AGMO: variants seen among roughly 807,000 people sequenced by gnomAD.
AGMO encodes the protein glyceryl-ether monooxygenase.
In AGMO, 75 loss-of-function variants were observed where a neutral mutation model predicts 60.2. The observed-to-expected ratio is 1.25, with a 90% confidence interval of 1.03 to 1.51. AGMO has a LOEUF of 1.51. AGMO is among the 40% of genes most tolerant of loss of function. AGMO has a pLI of 0.00. For missense variants in AGMO, 763 were observed against 525.5 expected, an observed-to-expected ratio of 1.45 and a Z score of -4.42; for synonymous variants, 261 against 177.1, an observed-to-expected ratio of 1.47 and a Z score of -3.76.
chr7:15,417,991 A>C (rs1439002919), intron 5 of AGMO, among the ~76,000 whole-genome samples: 1 of 152,184 alleles, frequency 6.6e-6, no homozygotes, highest in Non-Finnish European at 1.5e-5. Context: ...AAACATTCAA[A>C]TCTGACAGTT....
At chr7:15,472,722 G>A (rs1782481534) in intron 3 of AGMO, among the ~76,000 whole-genome samples, 1 of 151,924 alleles carries the variant, frequency 6.6e-6, no homozygotes, top group Admixed American at 6.6e-5. Context: ...GAACATTGTT[G>A]TGGTAATATT....
intron 4 of AGMO, among the ~76,000 whole-genome samples, chr7:15,424,005 T>C (rs1488126600): frequency 1.3e-5 from 2 of 152,226 alleles, no homozygotes; most frequent in East Asian, 3.8e-4. Flanking sequence ...AAATGTATTA[T>C]ATTTTTCTAT....
At chr7:15,174,522 A>G in the AGMO span, among the ~76,000 whole-genome samples, 1 of 152,092 alleles carries the variant, frequency 6.6e-6, no homozygotes, top group African/African-American at 2.4e-5. Context: ...AAGCTCTCCA[A>G]CCCAGCTCAG....
intron 12 of AGMO, among the ~76,000 whole-genome samples, chr7:15,354,504 A>ACACACG (rs1451727408): frequency 2.0e-4 from 7 of 35,586 alleles, no homozygotes; most frequent in African/African-American, 1.6e-3. Flanking sequence ...GTGTATATAT[A>ACACACG]TATATATATA....
At chr7:15,377,804 A>AAC (rs1225057517) in intron 10 of AGMO, among the ~76,000 whole-genome samples, 4 of 152,034 alleles carry the variant, frequency 2.6e-5, no homozygotes, top group African/African-American at 9.7e-5. Flanking sequence ...TAAACAAAGT[A>AAC]GTTAAGTGAG....
At chr7:15,205,340 C>G (rs945640669) in intron 12 of AGMO, among the ~76,000 whole-genome samples, 1 of 151,870 alleles carries the variant, frequency 6.6e-6, no homozygotes, top group African/African-American at 2.4e-5. Flanking sequence ...GATAAGCTTA[C>G]AAATAAAATG....
At chr7:15,438,733 T>C (rs1781466869) in intron 3 of AGMO, among the ~76,000 whole-genome samples, 1 of 152,194 alleles carries the variant, frequency 6.6e-6, no homozygotes, top group South Asian at 2.1e-4. Flanking sequence ...TCTGGGTCCC[T>C]GAATGACAGC....
At chr7:15,337,208 T>G (rs566250986) in intron 12 of AGMO, among the ~76,000 whole-genome samples, 1 of 152,320 alleles carries the variant, frequency 6.6e-6, no homozygotes, top group East Asian at 1.9e-4. Context: ...TGACCACTCT[T>G]TCTAAATTCC....
At chr7:15,267,664 A>G (rs1362416946) in intron 12 of AGMO, among the ~76,000 whole-genome samples, 2 of 151,894 alleles carry the variant, frequency 1.3e-5, no homozygotes, top group Non-Finnish European at 2.9e-5. Context: ...GCTTCTACCC[A>G]TTTTAATGAG....
At chr7:15,177,595 T>C in the AGMO span, among the ~76,000 whole-genome samples, 10 of 152,226 alleles carry the variant, frequency 6.6e-5, no homozygotes, top group African/African-American at 2.4e-4. Context: ...CCTCTCTTTT[T>C]CCTCTACTTC....
intron 12 of AGMO, among the ~76,000 whole-genome samples, chr7:15,306,846 T>C (rs1780630015): frequency 6.6e-6 from 1 of 151,996 alleles, no homozygotes; most frequent in African/African-American, 2.4e-5. Context: ...AGTTAGTGTA[T>C]AAAATATTAT....
intron 4 of AGMO, among the ~76,000 whole-genome samples, chr7:15,430,059 T>A (rs1781183477): frequency 6.6e-6 from 1 of 151,936 alleles, no homozygotes; most frequent in African/African-American, 2.4e-5. Context: ...GCTCTACTAT[T>A]TTAAAATAAG....
chr7:15,303,305 AT>A (rs1219923199), intron 12 of AGMO, among the ~76,000 whole-genome samples: 2 of 152,104 alleles, frequency 1.3e-5, no homozygotes, highest in Non-Finnish European at 2.9e-5. Flanking sequence ...GATTTTCTGT[AT>A]TTTTGGCTTA....
intron 3 of AGMO, among the ~76,000 whole-genome samples, chr7:15,447,839 AC>A (rs1330488392): frequency 2.0e-5 from 3 of 152,126 alleles, no homozygotes; most frequent in South Asian, 2.1e-4. Context: ...GGCGTGAGCC[AC>A]CGGGCCCAGC....
intron 3 of AGMO, among the ~76,000 whole-genome samples, chr7:15,527,453 G>A (rs140384895): frequency 1.4e-3 from 220 of 152,276 alleles, no homozygotes; most frequent in African/African-American, 4.6e-3. Flanking sequence ...TGAAAGGGAT[G>A]AGGGAGCTGC....
At chr7:15,206,761 A>G (rs761247640) in intron 12 of AGMO, among the ~76,000 whole-genome samples, 1 of 152,148 alleles carries the variant, frequency 6.6e-6, no homozygotes, top group Non-Finnish European at 1.5e-5. Context: ...CTAACAGGAG[A>G]AAATACTAAA....
the AGMO span, among the ~76,000 whole-genome samples, chr7:15,119,041 T>A: frequency 6.6e-6 from 1 of 151,562 alleles, no homozygotes; most frequent in Non-Finnish European, 1.5e-5. Context: ...AGTGGAAAAT[T>A]GATTGATATT....
At chr7:15,257,399 A>G (rs759918616) in intron 12 of AGMO, among the ~76,000 whole-genome samples, 4 of 152,152 alleles carry the variant, frequency 2.6e-5, no homozygotes, top group Non-Finnish European at 4.4e-5. Context: ...ACTTTATTGA[A>G]ATATTAATTC....
At chr7:15,287,587 A>G (rs184848151) in intron 12 of AGMO, among the ~76,000 whole-genome samples, 3 of 152,292 alleles carry the variant, frequency 2.0e-5, no homozygotes, top group Non-Finnish European at 2.9e-5. Flanking sequence ...TACAAACAAA[A>G]TATTTGTAGT....
Sources: allele counts gnomAD v4.1 joint callset (sites outside exome capture counted in the v4.1 genomes callset), GRCh38; gene constraint gnomAD v4.1.1; transcripts MANE v1.5; gene names NCBI Gene and HGNC (gene_info 2026-07-23, HGNC 2026-07-21).